PWWP2A: variants seen among roughly 807,000 people sequenced by gnomAD.
PWWP2A encodes PWWP domain-containing protein 2A.
In PWWP2A, 18 loss-of-function variants were observed where a neutral mutation model predicts 48.5. The ratio of observed to expected loss-of-function variants is 0.37; its 90% CI spans 0.26 to 0.55. The LOEUF is 0.55. Ranked by LOEUF, PWWP2A falls within the 20% of genes least tolerant of loss-of-function variation. The pLI is 0.81. For synonymous variants in PWWP2A, 396 were observed against 387.7 expected (o/e 1.02, Z -0.25); for missense variants, 867 against 976.4 (o/e 0.89, Z 1.49).
the PWWP2A span, among the ~76,000 whole-genome samples, chr5:160,048,777 C>A: frequency 2.6e-5 from 4 of 152,000 alleles, no homozygotes; most frequent in Non-Finnish European, 5.9e-5. Flanking sequence ...ATAATGAAAC[C>A]CCATCTCTAC....
rs1755119329 is a variant in PWWP2A at position 160,092,013 on chromosome 5, G to GATAGATATATATATATATAT, written c.*368_*369insATATATATATATATATCTAT. 3.2e-6 allele frequency: 1 copy of GATAGATATATATATATATAT among 310,614 alleles called. No homozygotes were observed. Among genetic ancestry groups the GATAGATATATATATATATAT allele is most frequent in the Non-Finnish European group, 4.2e-6 (1 of 236,536 alleles). The allele number at this position is 310,614 out of a possible 1,614,324, so 19.2% of individuals were successfully genotyped here. On this transcript the variant is annotated 3_prime_UTR_variant, in exon 2 of 2. Coordinates refer to ENST00000307063, the MANE Select transcript of PWWP2A (RefSeq NM_001130864.2). ...ATATGTGTGTATATATACATACACG[G>GATAGATATATATATATATAT]ATATATATATATACACACACACACA...
At chr5:160,056,956 A>G (rs1346109945), downstream of PWWP2A, among the ~76,000 whole-genome samples, 4 of 151,950 alleles carry the variant, frequency 2.6e-5, no homozygotes, top group Non-Finnish European at 4.4e-5. Context: ...GAAGCCATAC[A>G]TGTAGGTACA....
chr5:160,095,047 C>CA (rs70987998), intron 1 of PWWP2A, among the ~76,000 whole-genome samples: 1,108 of 30,818 alleles, frequency 0.036, 309 homozygotes, highest in East Asian at 0.067. Context: ...GACTCTGTCT[C>CA]AAAAAAAAAA....
the PWWP2A span, among the ~76,000 whole-genome samples, chr5:160,051,372 C>A: frequency 6.6e-6 from 1 of 152,020 alleles, no homozygotes; most frequent in Non-Finnish European, 1.5e-5. Context: ...TTTTTGGAAA[C>A]CAGATTTCCT....
chr5:160,094,791 T>TA (rs2113543422), intron 1 of PWWP2A, among the ~76,000 whole-genome samples: 1 of 152,168 alleles, frequency 6.6e-6, no homozygotes, highest in African/African-American at 2.4e-5. Flanking sequence ...CTCATGTCTG[T>TA]AATCCCAGCA....
intron 1 of PWWP2A, among the ~76,000 whole-genome samples, chr5:160,102,199 G>A (rs369838882): frequency 1.9e-3 from 283 of 151,492 alleles, no homozygotes; most frequent in African/African-American, 6.3e-3. Flanking sequence ...CTGAGGTCAG[G>A]AGTTCAAGAC....
rs1021494208 is a variant in PWWP2A at position 160,119,434 on chromosome 5, C to T, written c.-46G>A. On this transcript the variant is annotated 5_prime_UTR_variant, in exon 1 of 2. Transcript: ENST00000307063. The stretch of plus-strand genomic sequence containing the variant: ...CCTCCAACTCCGGCTGCAGCGGCGG[C>T]GGCGACAGCGCTGCTTGGTTCCCTG... 6 of 1,353,374 alleles carry T rather than the reference C, an allele frequency of 4.4e-6. No individual in the cohort carries two copies. Among genetic ancestry groups the T allele is most frequent in the Non-Finnish European group, 5.7e-6 (6 of 1,058,804 alleles). 83.8% of individuals were successfully genotyped at this position (1,353,374 alleles called of 1,614,324 possible).
intron 1 of PWWP2A, among the ~76,000 whole-genome samples, chr5:160,107,380 A>G (rs377077522): frequency 6.6e-6 from 1 of 152,096 alleles, no homozygotes; most frequent in African/African-American, 2.4e-5. Context: ...TTAATCTCCA[A>G]TTACTTTCTT....
the PWWP2A span, among the ~76,000 whole-genome samples, chr5:160,049,974 G>T: frequency 3.9e-5 from 6 of 152,248 alleles, no homozygotes; most frequent in South Asian, 2.1e-4. Flanking sequence ...AGCTACTCGG[G>T]AGGCAGGAGA....
the PWWP2A span, chr5:160,049,786 A>C: frequency 2.2e-6 from 2 of 898,260 alleles, no homozygotes; most frequent in Admixed American, 3.7e-5. Context: ...GCTTATCAAG[A>C]TATATGGGAG....
At chr5:160,079,798 A>G (rs1309752533) in intron 3 of PWWP2A, among the ~76,000 whole-genome samples, 2 of 149,380 alleles carry the variant, frequency 1.3e-5, no homozygotes, top group East Asian at 3.8e-4. Context: ...ACGCATCTTA[A>G]GGGTAGCTAC....
At chr5:160,049,922 A>G in the PWWP2A span, among the ~76,000 whole-genome samples, 2 of 152,142 alleles carry the variant, frequency 1.3e-5, no homozygotes, top group Admixed American at 6.5e-5. Context: ...TTCTAAAAAT[A>G]CAAAAAATTA....
At chr5:160,094,785 T>C (rs1320528850) in intron 1 of PWWP2A, among the ~76,000 whole-genome samples, 6 of 152,034 alleles carry the variant, frequency 3.9e-5, no homozygotes, top group African/African-American at 1.4e-4. Context: ...CAGTGGCTCA[T>C]GTCTGTAATC....
intron 1 of PWWP2A, among the ~76,000 whole-genome samples, chr5:160,112,457 C>T (rs373088360): frequency 6.6e-6 from 1 of 151,938 alleles, no homozygotes; most frequent in East Asian, 1.9e-4. Context: ...CCTGACCTTA[C>T]GTGACCCACC....
intron 1 of PWWP2A, among the ~76,000 whole-genome samples, chr5:160,106,791 TTA>T (rs1163656733): frequency 6.6e-6 from 1 of 151,838 alleles, no homozygotes; most frequent in Non-Finnish European, 1.5e-5. Flanking sequence ...TAGTTTGTAA[TTA>T]TGTCTCATTG....
At chr5:160,044,382 C>T in the PWWP2A span, among the ~76,000 whole-genome samples, 2 of 152,204 alleles carry the variant, frequency 1.3e-5, no homozygotes, top group African/African-American at 4.8e-5. Flanking sequence ...ATAGGCAGAG[C>T]AGCAATGTGG....
chr5:160,098,837 G>C (rs944511413), intron 1 of PWWP2A, among the ~76,000 whole-genome samples: 1 of 152,090 alleles, frequency 6.6e-6, no homozygotes, highest in Non-Finnish European at 1.5e-5. Flanking sequence ...GTGTGGTGGT[G>C]CACGCCTGTA....
chr5:160,081,265 G>C (rs902854063), intron 2 of PWWP2A, among the ~76,000 whole-genome samples: 1 of 60,044 alleles, frequency 1.7e-5, no homozygotes, highest in Non-Finnish European at 3.1e-5. Context: ...TTTTGAGACA[G>C]TCTCACTCTT....
At chr5:160,051,245 C>T in the PWWP2A span, 48 of 1,356,758 alleles carry the variant, frequency 3.5e-5, no homozygotes, top group Admixed American at 7.8e-5. Flanking sequence ...GGGGACATAG[C>T]GAATACTAGA....
Sources: gnomAD v4.1 joint callset for allele counts (sites outside exome capture counted in the v4.1 genomes callset) on GRCh38, gnomAD v4.1.1 for gene constraint, MANE v1.5 for transcripts, NCBI Gene and HGNC (gene_info 2026-07-23, HGNC 2026-07-21) for gene names.